Variants in CELF4 observed in about 807,000 individuals in gnomAD.
CELF4 encodes CUGBP Elav-like family member 4, also known as CUG-BP- and ETR-3-like factor 4.
CELF4 carries 18 observed loss-of-function variants against 59.9 expected under a neutral mutation model. That is an observed-to-expected ratio of 0.30 (90% CI 0.21 to 0.45). The LOEUF is 0.45. Among genes scored for constraint, CELF4 ranks in the 20% least tolerant of loss-of-function variants. CELF4 has a pLI of 1.00. For synonymous variants in CELF4, 261 were observed against 267.1 expected (o/e 0.98, Z 0.22); for missense variants, 456 against 689.0 (o/e 0.66, Z 3.79).
intron 1 of CELF4, among the ~76,000 whole-genome samples, chr18:37,545,150 A>C (rs948538): frequency 0.12 from 17,598 of 152,308 alleles, 1,282 homozygotes; most frequent in Middle Eastern, 0.21. Context: ...TAAGGGCACC[A>C]GTGCCCAACA....
chr18:37,393,360 G>C (rs180775644), intron 2 of CELF4, among the ~76,000 whole-genome samples: 1 of 152,216 alleles, frequency 6.6e-6, no homozygotes, highest in Middle Eastern at 3.2e-3. Flanking sequence ...ACACAAAGGG[G>C]TCATTCATTC....
chr18:37,367,775 C>A (rs1163380877), intron 2 of CELF4, among the ~76,000 whole-genome samples: 1 of 151,560 alleles, frequency 6.6e-6, no homozygotes, highest in Non-Finnish European at 1.5e-5. Flanking sequence ...AAGTCAATAT[C>A]ATTACTTCTG....
intron 2 of CELF4, among the ~76,000 whole-genome samples, chr18:37,394,438 C>T (rs2099214073): frequency 6.6e-6 from 1 of 152,152 alleles, no homozygotes; most frequent in Non-Finnish European, 1.5e-5. Context: ...AGCCGGGCCT[C>T]CTTCTGGCCG....
chr18:37,312,021 G>A (rs567438113), intron 3 of CELF4, among the ~76,000 whole-genome samples: 9 of 142,210 alleles, frequency 6.3e-5, no homozygotes, highest in Non-Finnish European at 1.0e-4. Flanking sequence ...TGAGGCAGGA[G>A]AATGGCATGA....
At chr18:37,408,747 C>T (rs11877226) in intron 2 of CELF4, among the ~76,000 whole-genome samples, 6 of 151,980 alleles carry the variant, frequency 3.9e-5, no homozygotes, top group African/African-American at 9.7e-5. Context: ...GGACACCCGG[C>T]GCACCCTCCC....
chr18:37,329,607 C>T lies in CELF4; in HGVS notation c.370-7726G>A, dbSNP rs549896144. Among the ~76,000 whole-genome samples, 6 of 152,350 alleles carry T rather than the reference C, an allele frequency of 3.9e-5. No individual in the cohort carries two copies. In the East Asian group the frequency reaches 1.2e-3, roughly 29 times the overall value. On this transcript the variant is annotated intron_variant, in intron 2 of 12. Coordinates refer to ENST00000420428, the MANE Select transcript of CELF4 (RefSeq NM_020180.4). ...GGGTGAACGTGACCAACCCTGATCCCCTTAACCTGTGTCTAGGCCACTGCT... is the reference window on the plus strand; with the variant it reads ...GGGTGAACGTGACCAACCCTGATCCTCTTAACCTGTGTCTAGGCCACTGCT...
intron 1 of CELF4, among the ~76,000 whole-genome samples, chr18:37,533,016 T>A (rs1173639592): frequency 1.3e-5 from 2 of 152,236 alleles, no homozygotes; most frequent in Non-Finnish European, 2.9e-5. Flanking sequence ...TTTCCCAGAA[T>A]TATCTGGGTT....
chr18:37,257,228 T>A (rs1179651973), intron 11 of CELF4, among the ~76,000 whole-genome samples: 1 of 152,210 alleles, frequency 6.6e-6, no homozygotes, highest in African/African-American at 2.4e-5. Context: ...AGCCCAGCTA[T>A]GGCTGGAGAC....
intron 1 of CELF4, among the ~76,000 whole-genome samples, chr18:37,552,678 C>T (rs562298891): frequency 7.9e-5 from 12 of 152,332 alleles, no homozygotes; most frequent in African/African-American, 2.9e-4. Context: ...AAACCAAAGC[C>T]CTGGTGATGG....
chr18:37,359,588 T>A (rs968376960), intron 2 of CELF4, among the ~76,000 whole-genome samples: 1 of 152,178 alleles, frequency 6.6e-6, no homozygotes, highest in African/African-American at 2.4e-5. Flanking sequence ...ACGATCCTCA[T>A]GCCTTGGCCT....
chr18:37,393,003 A>G (rs2099182881), intron 2 of CELF4, among the ~76,000 whole-genome samples: 1 of 151,264 alleles, frequency 6.6e-6, no homozygotes, highest in Admixed American at 6.6e-5. Context: ...CATGCCCAGC[A>G]TGGGGCCTGA....
chr18:37,270,010 G>T (rs2090345654), intron 8 of CELF4, among the ~76,000 whole-genome samples: 1 of 152,172 alleles, frequency 6.6e-6, no homozygotes, highest in African/African-American at 2.4e-5. Flanking sequence ...CATTTCCCTT[G>T]TAGTTTACTA....
chr18:37,420,834 C>T (rs530380199), intron 2 of CELF4, among the ~76,000 whole-genome samples: 2 of 152,318 alleles, frequency 1.3e-5, no homozygotes, highest in East Asian at 3.9e-4. Flanking sequence ...TCAGAGACTC[C>T]CAGCTTCTTG....
intron 2 of CELF4, among the ~76,000 whole-genome samples, chr18:37,342,233 G>GCACACA (rs56845978): frequency 0.024 from 3,450 of 146,100 alleles, 40 homozygotes; most frequent in Middle Eastern, 0.047. Flanking sequence ...AACAGCACAT[G>GCACACA]CACACACACA....
rs752086582 is a variant in CELF4, at chr18:37,282,377, C to G, written c.449-7134G>C. 7.9e-5 allele frequency among the ~76,000 whole-genome samples: 12 copies of G among 152,192 alleles called. 1 individual carries two copies. Among genetic ancestry groups the G allele is most frequent in the South Asian group, 4.1e-4 (2 of 4,830 alleles). On this transcript the variant is annotated intron_variant, in intron 3 of 12. Coordinates refer to ENST00000420428, the MANE Select transcript of CELF4 (RefSeq NM_020180.4). ...GGTTGTGCAAAAACAGACATTTCCC[C>G]TAAAGGTACTGAGCATCCCTACATG...
At chr18:37,272,803 G>A (rs779896076) in intron 7 of CELF4, among the ~76,000 whole-genome samples, 5 of 152,142 alleles carry the variant, frequency 3.3e-5, no homozygotes, top group South Asian at 2.1e-4. Context: ...GAAATCACAC[G>A]GTAGACTGCA....
At chr18:37,365,481 A>ATTTT (rs10670336) in intron 2 of CELF4, among the ~76,000 whole-genome samples, 9,071 of 97,594 alleles carry the variant, frequency 0.093, 712 homozygotes, top group Non-Finnish European at 0.11. Flanking sequence ...GGATGGGGCA[A>ATTTT]TTTTTTTTTT....
At chr18:37,271,949 G>T (rs1261921149) in intron 7 of CELF4, among the ~76,000 whole-genome samples, 1 of 152,174 alleles carries the variant, frequency 6.6e-6, no homozygotes, top group Non-Finnish European at 1.5e-5. Flanking sequence ...AGGAAGCAGG[G>T]TCCCTCTGAG....
At chr18:37,353,233 A>ATATATATATATAT (rs1557327922) in intron 2 of CELF4, among the ~76,000 whole-genome samples, 2 of 106,970 alleles carry the variant, frequency 1.9e-5, no homozygotes, top group South Asian at 3.2e-4. Flanking sequence ...AAAAAAAAAA[A>ATATATATATATAT]ATATATATAT....
Sources: gnomAD v4.1 joint callset for allele counts (sites outside exome capture counted in the v4.1 genomes callset) on GRCh38, gnomAD v4.1.1 for gene constraint, MANE v1.5 for transcripts, NCBI Gene and HGNC (gene_info 2026-07-23, HGNC 2026-07-21) for gene names.